The following H3Y1 variants were observed in gnomAD, a reference collection of about 807,000 sequenced individuals.
H3Y1 encodes the protein H3.Y histone 1.
H3Y1 carries 1 observed loss-of-function variant against 0.5 expected under a neutral mutation model. The observed-to-expected ratio is 2.08, with a 90% CI of 0.74 to 9.87. The LOEUF (loss-of-function observed/expected upper bound fraction) is 9.87, where lower values mean the gene tolerates loss of function less well. Among genes scored for constraint, H3Y1 ranks in the 30% most tolerant of loss-of-function variants. The pLI, the probability that H3Y1 is intolerant of heterozygous loss-of-function variation, is 0.13. For missense variants in H3Y1, 35 were observed against 11.5 expected (o/e 3.05, Z -2.96); for synonymous variants, 9 against 5.0 (o/e 1.80, Z -1.07).
In H3Y1 at chr5:17,655,206, A is replaced by T; in HGVS notation, c.333T>A (p.Cys111Ter). ...TTGTGACGCGCCTGGCATGGATGGC[A>T]CACAGGTTGGTGTCTTCAAAGAGCT... ...LVQLFEDTNL[C>*]AIHARRVTIM... The change falls in exon 1 of 1, where the codon TGT becomes TGA. Residue 111 changes from cysteine to a stop codon, truncating the protein, a stop_gained. Transcript: ENST00000598383. LOFTEE classifies it high-confidence loss of function. 1 of 462,022 alleles carries T rather than the reference A, an allele frequency of 2.2e-6. No homozygotes were observed. The highest frequency in any genetic ancestry group is 3.9e-6 in the Non-Finnish European group (1 of 259,414). The allele number at this position is 462,022 out of a possible 1,614,324, so 28.6% of individuals were successfully genotyped here.
At position 17,655,464 on chromosome 5, in the gene H3Y1, T is replaced by G. The variant is rs549091090; in HGVS notation, c.75A>C (p.Ala25=). ...CTGTAGGCGGCGCCCTTTTTCCGGC[T>G]GCTTTGGTGGCCAGGGGCTTCCTGG... is the stretch of plus-strand genomic sequence containing the variant. ...QAPRKPLATK[A]AGKRAPPTGG... The change falls in exon 1 of 1, where the codon GCA becomes GCC. Residue 25 remains alanine, a synonymous_variant. Transcript: ENST00000598383. 1.2e-4 allele frequency: 48 copies of G among 405,586 alleles called. 1 individual carries two copies. In the East Asian group the frequency reaches 1.2e-3, roughly 10 times the overall value. 25.1% of individuals were successfully genotyped at this position (405,586 alleles called of 1,614,324 possible).
chr5:17,655,213 T>C lies in H3Y1; in HGVS notation c.326A>G (p.Asn109Ser), dbSNP rs1291021435. 6.4e-6 allele frequency: 3 copies of C among 466,692 alleles called. No homozygotes were observed. Among genetic ancestry groups the C allele is most frequent in the Non-Finnish European group, 7.6e-6 (2 of 261,776 alleles). The allele number at this position is 466,692 out of a possible 1,614,324, so 28.9% of individuals were successfully genotyped here. The change falls in exon 1 of 1, where the codon AAC becomes AGC. Residue 109 changes from asparagine (N) to serine (S), a missense_variant. Coordinates refer to ENST00000598383, the MANE Select transcript of H3Y1 (RefSeq NM_001355258.2). ...GCGCCTGGCATGGATGGCACACAGG[T>C]TGGTGTCTTCAAAGAGCTGCACCAG... ...AYLVQLFEDT[N>S]LCAIHARRVT...
At position 17,655,190 on chromosome 5, in the gene H3Y1, G is replaced by A. The variant is rs1426062075; in HGVS notation, c.349C>T (p.Arg117Cys). The A allele has an allele frequency of 9.0e-6, 4 of 446,680 alleles. No individual in the cohort carries two copies. Among genetic ancestry groups the A allele is most frequent in the Non-Finnish European group, 1.6e-5 (4 of 251,022 alleles). The allele number at this position is 446,680 out of a possible 1,614,324, so 27.7% of individuals were successfully genotyped here. A position where few individuals can be genotyped will look rare whatever the true frequency, so the allele number is the denominator to read the frequency against. The change falls in exon 1 of 1, where the codon CGC becomes TGC. Residue 117 changes from arginine to cysteine, a missense_variant. Arg to Cys is a radical substitution (Grantham distance 180, BLOSUM62 -3). Transcript: ENST00000598383. ...DTNLCAIHAR[R>C]VTIMPRDMQL... Reference sequence around the variant, plus strand: ...ATGTCTCGGGGCATAATTGTGACGCGCCTGGCATGGATGGCACACAGGTTG... The same window carrying A: ...ATGTCTCGGGGCATAATTGTGACGCACCTGGCATGGATGGCACACAGGTTG...
At position 17,655,072 on chromosome 5, in the gene H3Y1, G is replaced by C. The variant is rs1215576880; in HGVS notation, c.*56C>G. ...CAAAAGCACACAGAAACACCACCAA[G>C]ACCTGATTTCTGCCTGTTTCCACTC... is the stretch of plus-strand genomic sequence containing the variant. On this transcript the variant is annotated 3_prime_UTR_variant, in exon 1 of 1. Transcript: ENST00000598383. The C allele has an allele frequency of 2.5e-6, 1 of 400,684 alleles. No homozygotes were observed. Among genetic ancestry groups the C allele is most frequent in the Non-Finnish European group, 4.4e-6 (1 of 227,454 alleles). 24.8% of individuals were successfully genotyped at this position (400,684 alleles called of 1,614,324 possible). A position where few individuals can be genotyped will look rare whatever the true frequency, so the allele number is the denominator to read the frequency against.
Position 17,655,382 on chromosome 5 carries a change from T to C in H3Y1, c.157A>G (p.Arg53Gly), listed in dbSNP as rs1740172145. The C allele has an allele frequency of 4.9e-6, 2 of 411,362 alleles. No individual in the cohort carries two copies. Among genetic ancestry groups the C allele is most frequent in the South Asian group, 1.0e-4 (1 of 9,722 alleles). The allele number at this position is 411,362 out of a possible 1,614,324, so 25.5% of individuals were successfully genotyped here. A position where few individuals can be genotyped will look rare whatever the true frequency, so the allele number is the denominator to read the frequency against. ...KPGTLALREI[R>G]KYQKSTQLLL... ...AGCTGCGTGGACTTCTGGTACTTTC[T>C]GATTTCCCGCAGCGCCAGGGTGCCA... Residue 53 changes from arginine to glycine, a missense_variant, in exon 1 of 1, where the codon AGA becomes GGA. Physicochemically the swap from Arg to Gly is moderately radical, Grantham distance 125 (BLOSUM62 -2). Coordinates refer to ENST00000598383, the MANE Select transcript of H3Y1 (RefSeq NM_001355258.2).
Position 17,655,188 on chromosome 5 carries a change from G to T in H3Y1, c.351C>A (p.Arg117=), listed in dbSNP as rs557442228. The change falls in exon 1 of 1, where the codon CGC becomes CGA. Residue 117 remains arginine, a synonymous_variant. Coordinates refer to ENST00000598383, the MANE Select transcript of H3Y1 (RefSeq NM_001355258.2). ...DTNLCAIHAR[R]VTIMPRDMQL... ...GCATGTCTCGGGGCATAATTGTGAC[G>T]CGCCTGGCATGGATGGCACACAGGT... 2.3e-5 allele frequency: 10 copies of T among 444,150 alleles called. No individual in the cohort carries two copies. Among genetic ancestry groups the T allele is most frequent in the Non-Finnish European group, 4.0e-6 (1 of 249,436 alleles). The allele number at this position is 444,150 out of a possible 1,614,324, so 27.5% of individuals were successfully genotyped here.
rs1740171790 is a variant in H3Y1, at chr5:17,655,368, C to G, written c.171G>C (p.Lys57Asn). 2.4e-6 allele frequency: 1 copy of G among 416,014 alleles called. No individual in the cohort carries two copies. The allele number at this position is 416,014 out of a possible 1,614,324, so 25.8% of individuals were successfully genotyped here. The change falls in exon 1 of 1, where the codon AAG becomes AAC. Residue 57 changes from lysine (K) to asparagine (N), a missense_variant. Physicochemically the swap from Lys to Asn is moderately conservative, Grantham distance 94. Coordinates refer to ENST00000598383, the MANE Select transcript of H3Y1 (RefSeq NM_001355258.2). ...LALREIRKYQ[K>N]STQLLLRKLP... ...GCTTGCGCAGGAGCAGCTGCGTGGACTTCTGGTACTTTCTGATTTCCCGCA... is the reference window on the plus strand; with the variant it reads ...GCTTGCGCAGGAGCAGCTGCGTGGAGTTCTGGTACTTTCTGATTTCCCGCA...
rs1238068902 is a variant in H3Y1 at position 17,654,939 on chromosome 5, G to C, written c.*189C>G. The C allele has an allele frequency of 1.4e-5, 5 of 365,800 alleles. No homozygotes were observed. Among genetic ancestry groups the C allele is most frequent in the Non-Finnish European group, 2.3e-5 (5 of 214,364 alleles). 22.7% of individuals were successfully genotyped at this position (365,800 alleles called of 1,614,324 possible). ...GGCATAGTCCAGTGAAAATGAACAGGTTTCTTGAAAATTGATGTAGAGCTG... is the reference window on the plus strand; with the variant it reads ...GGCATAGTCCAGTGAAAATGAACAGCTTTCTTGAAAATTGATGTAGAGCTG... On this transcript the variant is annotated 3_prime_UTR_variant, in exon 1 of 1. Transcript: ENST00000598383.
In H3Y1 at chr5:17,655,446, C is replaced by T. The variant is rs1028749162; in HGVS notation, c.93G>A (p.Pro31=). Reference sequence around the variant, plus strand: ...GAGGCTTCTTGATCCCTCCTGTAGGCGGCGCCCTTTTTCCGGCTGCTTTGG... The same window carrying T: ...GAGGCTTCTTGATCCCTCCTGTAGGTGGCGCCCTTTTTCCGGCTGCTTTGG... ...LATKAAGKRA[P]PTGGIKKPHR... The change falls in exon 1 of 1, where the codon CCG becomes CCA. Residue 31 remains proline (P), a synonymous_variant. Coordinates refer to ENST00000598383, the MANE Select transcript of H3Y1 (RefSeq NM_001355258.2). 1.5e-5 allele frequency: 6 copies of T among 406,162 alleles called. No individual in the cohort carries two copies. In the Admixed American group the frequency reaches 2.2e-4, roughly 15 times the overall value. 25.2% of individuals were successfully genotyped at this position (406,162 alleles called of 1,614,324 possible).
chr5:17,655,453 CT>C lies in H3Y1; in HGVS notation c.85del (p.Arg29GlyfsTer144). 4 of 405,350 alleles carry C rather than the reference CT, an allele frequency of 9.9e-6. No homozygotes were observed. The highest frequency in any genetic ancestry group is 1.1e-4 in the South Asian group (1 of 8,948). The allele number at this position is 405,350 out of a possible 1,614,324, so 25.1% of individuals were successfully genotyped here. ...KPLATKAAGKRAPPTGGIKKP... is the reference protein window; with the variant it reads ...KPLATKAAGKXAPPTGGIKKP... ...CTTGATCCCTCCTGTAGGCGGCGCC[CT>C]TTTTCCGGCTGCTTTGGTGGCCAGG... On this transcript the variant is annotated frameshift_variant, in exon 1 of 1. Transcript: ENST00000598383. LOFTEE classifies it high-confidence loss of function.
In H3Y1 at chr5:17,655,357, A is replaced by C. The variant is rs1459653919; in HGVS notation, c.182T>G (p.Leu61Arg). The change falls in exon 1 of 1, where the codon CTG becomes CGG. Residue 61 changes from leucine to arginine, a missense_variant. Physicochemically the swap from Leu to Arg is moderately radical, Grantham distance 102 (BLOSUM62 -2). Transcript: ENST00000598383. ...CTGGAAGGGCAGCTTGCGCAGGAGCAGCTGCGTGGACTTCTGGTACTTTCT... is the reference window on the plus strand; with the variant it reads ...CTGGAAGGGCAGCTTGCGCAGGAGCCGCTGCGTGGACTTCTGGTACTTTCT... ...EIRKYQKSTQ[L>R]LLRKLPFQRL... 1 of 428,824 alleles carries C rather than the reference A, an allele frequency of 2.3e-6. No homozygotes were observed. The highest frequency in any genetic ancestry group is 4.2e-6 in the Non-Finnish European group (1 of 240,152). The allele number at this position is 428,824 out of a possible 1,614,324, so 26.6% of individuals were successfully genotyped here.
Position 17,654,905 on chromosome 5 carries a change from C to G in H3Y1, c.*223G>C, listed in dbSNP as rs1201986015. 2 of 379,118 alleles carry G rather than the reference C, an allele frequency of 5.3e-6. No homozygotes were observed. The highest frequency in any genetic ancestry group is 4.5e-5 in the Admixed American group (1 of 22,100). The allele number at this position is 379,118 out of a possible 1,614,324, so 23.5% of individuals were successfully genotyped here. ...AGAGATTTATTTGGTTTGAAGTAGT[C>G]TAAACACAGGCATAGTCCAGTGAAA... On this transcript the variant is annotated 3_prime_UTR_variant, in exon 1 of 1. Coordinates refer to ENST00000598383, the MANE Select transcript of H3Y1 (RefSeq NM_001355258.2).
chr5:17,655,681 C>T lies in H3Y1; in HGVS notation c.-143G>A, dbSNP rs1740180076. ...TTGAGATCCATGCGCATGACTCTCCCACACACTTAGCCCCTGCCAACCCAG... is the reference window on the plus strand; with the variant it reads ...TTGAGATCCATGCGCATGACTCTCCTACACACTTAGCCCCTGCCAACCCAG... On this transcript the variant is annotated 5_prime_UTR_variant, in exon 1 of 1. Coordinates refer to ENST00000598383, the MANE Select transcript of H3Y1 (RefSeq NM_001355258.2). 2.5e-5 allele frequency: 10 copies of T among 397,578 alleles called. No homozygotes were observed. The highest frequency in any genetic ancestry group is 8.8e-6 in the Non-Finnish European group (2 of 226,164). The allele number at this position is 397,578 out of a possible 1,614,324, so 24.6% of individuals were successfully genotyped here.
Position 17,655,727 on chromosome 5 carries a change from A to T in H3Y1, c.-189T>A. 1 of 396,818 alleles carries T rather than the reference A, an allele frequency of 2.5e-6. No individual in the cohort carries two copies. The highest frequency in any genetic ancestry group is 4.4e-6 in the Non-Finnish European group (1 of 225,628). 24.6% of individuals were successfully genotyped at this position (396,818 alleles called of 1,614,324 possible). ...CCCAGCCCCACACTTACCAGCCCTC[A>T]GGTCTGTGGGTCGGAGGCCGCGCTG... On this transcript the variant is annotated 5_prime_UTR_variant, in exon 1 of 1. Transcript: ENST00000598383.
chr5:17,655,633 A>G lies in H3Y1; in HGVS notation c.-95T>C, dbSNP rs1335823151. Reference sequence around the variant, plus strand: ...GAGAGCGAGGGCAGTGGTGCTGTGGACAGGATTCAGAGAGCCTGTGAGTTG... The same window carrying G: ...GAGAGCGAGGGCAGTGGTGCTGTGGGCAGGATTCAGAGAGCCTGTGAGTTG... On this transcript the variant is annotated 5_prime_UTR_variant, in exon 1 of 1. Coordinates refer to ENST00000598383, the MANE Select transcript of H3Y1 (RefSeq NM_001355258.2). 2 of 399,796 alleles carry G rather than the reference A, an allele frequency of 5.0e-6. No individual in the cohort carries two copies. Among genetic ancestry groups the G allele is most frequent in the Non-Finnish European group, 8.8e-6 (2 of 227,460 alleles). 24.8% of individuals were successfully genotyped at this position (399,796 alleles called of 1,614,324 possible). A position where few individuals can be genotyped will look rare whatever the true frequency, so the allele number is the denominator to read the frequency against.
chr5:17,655,491 G>A lies in H3Y1; in HGVS notation c.48C>T (p.Ala16=). ...CTTTGGTGGCCAGGGGCTTCCTGGG[G>A]GCCTGCCAGGCGGTGGCTTTGCGGG... The part of the protein sequence containing the change: ...QTARKATAWQ[A]PRKPLATKAA... The change falls in exon 1 of 1, where the codon GCC becomes GCT. Residue 16 remains alanine (A), a synonymous_variant. Transcript: ENST00000598383. 2.5e-6 allele frequency: 1 copy of A among 407,874 alleles called. No individual in the cohort carries two copies. The highest frequency in any genetic ancestry group is 4.3e-6 in the Non-Finnish European group (1 of 232,554). The allele number at this position is 407,874 out of a possible 1,614,324, so 25.3% of individuals were successfully genotyped here.
rs933809674 is a variant in H3Y1, at chr5:17,655,503, G to A, written c.36C>T (p.Thr12=). The change falls in exon 1 of 1, where the codon ACC becomes ACT. Residue 12 remains threonine, a synonymous_variant. Coordinates refer to ENST00000598383, the MANE Select transcript of H3Y1 (RefSeq NM_001355258.2). Reference sequence around the variant, plus strand: ...GGGGCTTCCTGGGGGCCTGCCAGGCGGTGGCTTTGCGGGCGGTCTGCTTGG... The same window carrying A: ...GGGGCTTCCTGGGGGCCTGCCAGGCAGTGGCTTTGCGGGCGGTCTGCTTGG... The part of the protein sequence containing the change: ...ARTKQTARKA[T]AWQAPRKPLA... 99 of 408,220 alleles carry A rather than the reference G, an allele frequency of 2.4e-4. 2 individuals carry two copies. The highest frequency in any genetic ancestry group is 1.9e-3 in the African/African-American group (90 of 48,590). The allele number at this position is 408,220 out of a possible 1,614,324, so 25.3% of individuals were successfully genotyped here. A position where few individuals can be genotyped will look rare whatever the true frequency, so the allele number is the denominator to read the frequency against.
In H3Y1 at chr5:17,655,084, G is replaced by C; in HGVS notation, c.*44C>G. ...GAAACACCACCAAGACCTGATTTCTGCCTGTTTCCACTCCCAATCCTATGC... is the reference window on the plus strand; with the variant it reads ...GAAACACCACCAAGACCTGATTTCTCCCTGTTTCCACTCCCAATCCTATGC... On this transcript the variant is annotated 3_prime_UTR_variant, in exon 1 of 1. Transcript: ENST00000598383. 2.5e-6 allele frequency: 1 copy of C among 401,162 alleles called. No homozygotes were observed. The highest frequency in any genetic ancestry group is 4.4e-6 in the Non-Finnish European group (1 of 227,434). 24.9% of individuals were successfully genotyped at this position (401,162 alleles called of 1,614,324 possible). A position where few individuals can be genotyped will look rare whatever the true frequency, so the allele number is the denominator to read the frequency against.
In H3Y1 at chr5:17,655,573, C is replaced by A; in HGVS notation, c.-35G>T. Reference sequence around the variant, plus strand: ...CCTTAGCCTCTCCCCTGTCCTTGGGCTGAGCCTGGCCGGCTGCAGGCGGTG... The same window carrying A: ...CCTTAGCCTCTCCCCTGTCCTTGGGATGAGCCTGGCCGGCTGCAGGCGGTG... On this transcript the variant is annotated 5_prime_UTR_variant, in exon 1 of 1. Coordinates refer to ENST00000598383, the MANE Select transcript of H3Y1 (RefSeq NM_001355258.2). 2.5e-6 allele frequency: 1 copy of A among 401,052 alleles called. No individual in the cohort carries two copies. The highest frequency in any genetic ancestry group is 4.4e-6 in the Non-Finnish European group (1 of 227,996). 24.8% of individuals were successfully genotyped at this position (401,052 alleles called of 1,614,324 possible). A position where few individuals can be genotyped will look rare whatever the true frequency, so the allele number is the denominator to read the frequency against.
Sources: allele counts gnomAD v4.1 joint callset, GRCh38; gene constraint gnomAD v4.1.1; transcripts MANE v1.5; gene names NCBI Gene and HGNC (gene_info 2026-07-23, HGNC 2026-07-21).